Variants in TTC17 observed in about 807,000 individuals in gnomAD.
TTC17 encodes tetratricopeptide repeat domain 17.
TTC17 carries 58 observed loss-of-function variants against 143.8 expected under a neutral mutation model. The ratio of observed to expected loss-of-function variants is 0.40; its 90% CI spans 0.33 to 0.50. The LOEUF (loss-of-function observed/expected upper bound fraction) is 0.50. Among genes scored for constraint, TTC17 ranks in the 20% least tolerant of loss-of-function variants. The probability of loss-of-function intolerance (pLI) is 0.49; values close to 1 mark genes in which losing one functional copy is unlikely to be tolerated. For synonymous variants in TTC17, 501 were observed against 497.8 expected, an observed-to-expected ratio of 1.01 and a Z score of -0.09; for missense variants, 1,273 against 1,392.5, an observed-to-expected ratio of 0.91 and a Z score of 1.37.
At chr11:43,435,247 G>A (rs1947266514) in intron 16 of TTC17, 1 of 152,188 alleles carries the variant, frequency 6.6e-6, no homozygotes, top group African/African-American at 2.4e-5. Flanking sequence ...TCCTCTAACA[G>A]GAAAGTTGTG....
intron 19 of TTC17, 54 bp from the exon 20 acceptor site, chr11:43,450,028 T>G: frequency 3.2e-6 from 5 of 1,579,800 alleles, no homozygotes; most frequent in Non-Finnish European, 3.4e-6. Context: ...CTCTCTTCTC[T>G]TCCCACCCAC....
At chr11:43,425,712 T>A (rs1463843226) in intron 16 of TTC17, among the ~76,000 whole-genome samples, 3 of 152,226 alleles carry the variant, frequency 2.0e-5, no homozygotes, top group Admixed American at 1.3e-4. Context: ...TTAGTATTTA[T>A]TACTAGTGGT....
At chr11:43,374,218 C>T (rs1446662531) in intron 1 of TTC17, among the ~76,000 whole-genome samples, 1 of 152,104 alleles carries the variant, frequency 6.6e-6, no homozygotes, top group Non-Finnish European at 1.5e-5. Flanking sequence ...ACTGGCTAGC[C>T]ATATGCAGAA....
intron 22 of TTC17, 128 bp from the exon 23 acceptor site, chr11:43,491,892 G>A: frequency 1.6e-6 from 2 of 1,239,468 alleles, no homozygotes; most frequent in African/African-American, 1.5e-5. Flanking sequence ...CAGCACAAAA[G>A]CACTTTGAGT....
chr11:43,440,591 CTT>C (rs1255657955), intron 16 of TTC17, among the ~76,000 whole-genome samples: 1 of 152,162 alleles, frequency 6.6e-6, no homozygotes. Context: ...TTCTGTAACT[CTT>C]ATAAAGATTA....
At chr11:43,472,358 T>C (rs2134834464) in intron 21 of TTC17, among the ~76,000 whole-genome samples, 1 of 152,258 alleles carries the variant, frequency 6.6e-6, no homozygotes. Flanking sequence ...AGAAAAAAGA[T>C]ATATCATGCA....
At chr11:43,480,127 T>A (rs1015327774) in intron 21 of TTC17, among the ~76,000 whole-genome samples, 3 of 152,190 alleles carry the variant, frequency 2.0e-5, no homozygotes, top group Non-Finnish European at 4.4e-5. Flanking sequence ...CAAAGCAGAT[T>A]TGGACCTGAA....
chr11:43,485,082 T>A (rs979266994), intron 21 of TTC17, among the ~76,000 whole-genome samples: 3 of 151,922 alleles, frequency 2.0e-5, no homozygotes, highest in Non-Finnish European at 4.4e-5. Context: ...TATTTCACAG[T>A]GTAATAATAA....
chr11:43,405,979 T>G (rs1177742505), intron 13 of TTC17, 28 bp downstream of exon 13: 1 of 1,602,934 alleles, frequency 6.2e-7, no homozygotes, highest in African/African-American at 1.3e-5. Context: ...TGGTATTTAT[T>G]GCCGTCCATT....
chr11:43,370,795 G>GGTTT (rs67992959), intron 1 of TTC17, among the ~76,000 whole-genome samples: 42,637 of 150,568 alleles, frequency 0.28, 7,030 homozygotes, highest in Admixed American at 0.41. Flanking sequence ...AGAGGGGGCA[G>GGTTT]GTTTGTTTGT....
intron 3 of TTC17, among the ~76,000 whole-genome samples, 184 bp from the exon 4 acceptor site, chr11:43,391,281 C>G (rs1857375733): frequency 6.6e-6 from 1 of 152,058 alleles, no homozygotes; most frequent in Non-Finnish European, 1.5e-5. Flanking sequence ...TGCCTGTTGT[C>G]CCAGCTACTT....
chr11:43,369,019 CTT>C (rs1347202168), intron 1 of TTC17, among the ~76,000 whole-genome samples: 2 of 152,348 alleles, frequency 1.3e-5, no homozygotes, highest in East Asian at 1.9e-4. Context: ...TTTCAGGTCT[CTT>C]TTCACATGTC....
At chr11:43,449,959 A>G (rs1947625083) in intron 19 of TTC17, 123 bp from the exon 20 acceptor site, 2 of 1,066,202 alleles carry the variant, frequency 1.9e-6, no homozygotes, top group Admixed American at 5.1e-5. Flanking sequence ...AGGGGATAGC[A>G]TGTTGAAGCT....
chr11:43,431,820 C>A (rs1947165958), intron 16 of TTC17, among the ~76,000 whole-genome samples: 1 of 152,220 alleles, frequency 6.6e-6, no homozygotes, highest in Non-Finnish European at 1.5e-5. Flanking sequence ...AGACCCCCAT[C>A]TCTTAAAAGA....
At chr11:43,377,958 C>T (rs895472093) in intron 1 of TTC17, among the ~76,000 whole-genome samples, 2 of 152,020 alleles carry the variant, frequency 1.3e-5, no homozygotes, top group Non-Finnish European at 2.9e-5. Context: ...GGCTGAAGTG[C>T]GTTGGCGCAA....
chr11:43,450,214 C>G lies in TTC17; in HGVS notation c.2919C>G (p.His973Gln). ...LHGVSNRASL[H>Q]YTGESQLTEV... ...GGGTTTCCAACCGAGCCAGCCTGCA[C>G]TACACAGGGGAGAGTCAGTTAACAG... The change falls in exon 20 of 24, where the codon CAC becomes CAG. Residue 973 changes from histidine to glutamine, a missense_variant. Physicochemically the swap from His to Gln is conservative, Grantham distance 24. Around this residue, in one of 3 missense-constraint regions of TTC17, gnomAD observed 878 missense variants for 899.8 expected, o/e 0.98. Transcript: ENST00000039989. 6.2e-7 allele frequency: 1 copy of G among 1,614,140 alleles called. No individual in the cohort carries two copies. Among genetic ancestry groups the G allele is most frequent in the African/African-American group, 1.3e-5 (1 of 75,068 alleles).
chr11:43,485,889 T>G (rs1057490318), intron 21 of TTC17, among the ~76,000 whole-genome samples: 21 of 149,728 alleles, frequency 1.4e-4, no homozygotes, highest in East Asian at 1.2e-3. Flanking sequence ...TTTTGTTTTT[T>G]TTTTTTTTTT....
At chr11:43,491,955 C>T (rs1948481002) in intron 22 of TTC17, 65 bp from the exon 23 acceptor site, 1 of 1,590,386 alleles carries the variant, frequency 6.3e-7, no homozygotes, top group African/African-American at 1.3e-5. Flanking sequence ...TTTATGATCA[C>T]CAAAAACAAG....
intron 1 of TTC17, among the ~76,000 whole-genome samples, chr11:43,367,514 T>A (rs1475570672): frequency 6.6e-6 from 1 of 152,048 alleles, no homozygotes; most frequent in African/African-American, 2.4e-5. Flanking sequence ...GGTTCAGCAG[T>A]TGTTGCAGTT....
Sources: gnomAD v4.1 joint callset for allele counts (sites outside exome capture counted in the v4.1 genomes callset) on GRCh38, gnomAD v4.1.1 for gene constraint, gnomAD v4.1.1 regional missense constraint, MANE v1.5 for transcripts, NCBI Gene and HGNC (gene_info 2026-07-23, HGNC 2026-07-21) for gene names.